SLC5A8: variants seen among roughly 807,000 people sequenced by gnomAD.
SLC5A8 encodes sodium-coupled monocarboxylate transporter 1.
SLC5A8 carries 55 observed loss-of-function variants against 71.9 expected under a neutral mutation model. That is an observed-to-expected ratio of 0.77 (90% CI 0.62 to 0.96). The LOEUF is 0.96. Ranked by LOEUF, SLC5A8 falls within the 40% of genes least tolerant of loss-of-function variation. The pLI is 0.00. For missense variants in SLC5A8, 701 were observed against 745.3 expected, an observed-to-expected ratio of 0.94 and a Z score of 0.69; for synonymous variants, 307 against 276.1, an observed-to-expected ratio of 1.11 and a Z score of -1.11.
rs554580571 is a variant in SLC5A8, at chr12:101,163,118, A to G, written c.1527-1041T>C. The stretch of plus-strand genomic sequence containing the variant: ...CTGAGGCACAGTGAGCAAGACAGTG[A>G]TTACAAGATGAAAGATAGGCAGGGG... On this transcript the variant is annotated intron_variant, in intron 12 of 14. Coordinates refer to ENST00000536262, the MANE Select transcript of SLC5A8 (RefSeq NM_145913.5). Among the ~76,000 whole-genome samples, 17 of 152,296 alleles carry G rather than the reference A, an allele frequency of 1.1e-4. No individual in the cohort carries two copies. The East Asian group carries it at 2.9e-3, about 26-fold the overall frequency.
chr12:101,166,974 A>G (rs2051778980), intron 11 of SLC5A8, among the ~76,000 whole-genome samples: 2 of 151,766 alleles, frequency 1.3e-5, no homozygotes, highest in Non-Finnish European at 2.9e-5. Context: ...CTGGTGAAAA[A>G]CCTGGACATG....
In SLC5A8 at chr12:101,209,442, C is replaced by G. The variant is rs971785332; in HGVS notation, c.351+56G>C. ...CCCCCAAGAAAACGCCTCCAGAGGTCTGCAGAGTCCCCTTCCCCCGCGCCC... is the reference window on the plus strand; with the variant it reads ...CCCCCAAGAAAACGCCTCCAGAGGTGTGCAGAGTCCCCTTCCCCCGCGCCC... On this transcript the variant is annotated intron_variant, in intron 1 of 14. Coordinates refer to ENST00000536262, the MANE Select transcript of SLC5A8 (RefSeq NM_145913.5). 9 of 1,403,536 alleles carry G rather than the reference C, an allele frequency of 6.4e-6. No individual in the cohort carries two copies. The African/African-American group carries it at 1.1e-4, about 18-fold the overall frequency. The allele number at this position is 1,403,536 out of a possible 1,614,324, so 86.9% of individuals were successfully genotyped here. A position where few individuals can be genotyped will look rare whatever the true frequency, so the allele number is the denominator to read the frequency against.
At position 101,157,295 on chromosome 12, in the gene SLC5A8, T is replaced by A. The variant is rs1194915215; in HGVS notation, c.1817A>T (p.Asn606Ile). 1.9e-6 allele frequency: 3 copies of A among 1,613,336 alleles called. No individual in the cohort carries two copies. The highest frequency in any genetic ancestry group is 1.7e-4 in the Middle Eastern group (1 of 6,054). ...AGAGCAGCTTCACAAACGAGTCCCATTGCTCTTGCCACTCTGATCTGAGTT... is the reference window on the plus strand; with the variant it reads ...AGAGCAGCTTCACAAACGAGTCCCAATGCTCTTGCCACTCTGATCTGAGTT... ...ELNSDQSGKSNGTRL is the reference protein window; with the variant it reads ...ELNSDQSGKSIGTRL Residue 606 changes from asparagine to isoleucine, a missense_variant, in exon 15 of 15, where the codon AAT (asparagine) becomes ATT (isoleucine). Transcript: ENST00000536262.
intron 8 of SLC5A8, 25 bp downstream of exon 8, chr12:101,184,109 A>G (rs371681604): frequency 2.7e-4 from 430 of 1,585,584 alleles, no homozygotes; most frequent in Non-Finnish European, 3.4e-4. Flanking sequence ...GGGAAATCAT[A>G]TGTTATTAGA....
chr12:101,189,215 T>C (rs1868794740), intron 6 of SLC5A8, among the ~76,000 whole-genome samples: 1 of 152,172 alleles, frequency 6.6e-6, no homozygotes, highest in South Asian at 2.1e-4. Context: ...TAGTATAGAT[T>C]TAAAAGTACA....
chr12:101,190,953 A>G (rs1335849296), intron 5 of SLC5A8, among the ~76,000 whole-genome samples: 2 of 152,166 alleles, frequency 1.3e-5, no homozygotes, highest in African/African-American at 4.8e-5. Flanking sequence ...AAACATAGAG[A>G]AAGAGAAAGA....
At chr12:101,179,412 T>C (rs2051911355) in intron 10 of SLC5A8, among the ~76,000 whole-genome samples, 1 of 152,212 alleles carries the variant, frequency 6.6e-6, no homozygotes, top group Non-Finnish European at 1.5e-5. Flanking sequence ...CTTCATCAGC[T>C]GAGTAGGTAA....
At chr12:101,202,308 C>T in intron 2 of SLC5A8, 93 bp from the exon 3 acceptor site, 1 of 1,164,954 alleles carries the variant, frequency 8.6e-7, no homozygotes, top group Non-Finnish European at 1.2e-6. Context: ...TTTCCTATAA[C>T]TTCAATTATG....
intron 2 of SLC5A8, among the ~76,000 whole-genome samples, chr12:101,202,781 CTATT>C (rs1164797921): frequency 6.6e-6 from 1 of 152,072 alleles, no homozygotes; most frequent in South Asian, 2.1e-4. Context: ...ATACACTTAA[CTATT>C]TATTGATCTG....
At chr12:101,184,698 A>AGGCC (rs922378814) in intron 7 of SLC5A8, among the ~76,000 whole-genome samples, 3 of 152,196 alleles carry the variant, frequency 2.0e-5, no homozygotes, top group African/African-American at 7.2e-5. Flanking sequence ...TGATGACTCA[A>AGGCC]GGCCATTTTG....
At chr12:101,183,660 A>G (rs1868473693) in intron 8 of SLC5A8, among the ~76,000 whole-genome samples, 1 of 152,202 alleles carries the variant, frequency 6.6e-6, no homozygotes, top group Non-Finnish European at 1.5e-5. Context: ...CATGTTGATA[A>G]TAACAATTCT....
chr12:101,209,432 C>T (rs1566328564), intron 1 of SLC5A8, 66 bp downstream of exon 1: 4 of 1,314,126 alleles, frequency 3.0e-6, no homozygotes, highest in Non-Finnish European at 4.1e-6. Context: ...AAGAAAACGC[C>T]TCCAGAGGTC....
intron 1 of SLC5A8, among the ~76,000 whole-genome samples, chr12:101,208,517 CT>C (rs1869772058): frequency 6.6e-6 from 1 of 152,200 alleles, no homozygotes; most frequent in Non-Finnish European, 1.5e-5. Flanking sequence ...CGCCACTCCC[CT>C]GAGCTTTGAT....
chr12:101,191,049 TCCCAGCA>T (rs1566319231), intron 5 of SLC5A8, among the ~76,000 whole-genome samples: 2 of 152,198 alleles, frequency 1.3e-5, no homozygotes, highest in Non-Finnish European at 2.9e-5. Flanking sequence ...AGAATTCCTC[TCCCAGCA>T]CATGTAATCA....
At chr12:101,191,090 C>T (rs1184031292) in intron 5 of SLC5A8, among the ~76,000 whole-genome samples, 1 of 152,174 alleles carries the variant, frequency 6.6e-6, no homozygotes, top group Non-Finnish European at 1.5e-5. Context: ...TATTCACGTT[C>T]AACAAATCAG....
intron 12 of SLC5A8, among the ~76,000 whole-genome samples, chr12:101,162,505 A>G (rs1174977331): frequency 2.0e-5 from 3 of 152,360 alleles, no homozygotes; most frequent in East Asian, 1.9e-4. Flanking sequence ...GTGCCCATCA[A>G]TGGTGGACTG....
chr12:101,171,198 C>T (rs2051826550), intron 10 of SLC5A8, among the ~76,000 whole-genome samples: 1 of 152,100 alleles, frequency 6.6e-6, no homozygotes, highest in Non-Finnish European at 1.5e-5. Flanking sequence ...TTAAGCTATG[C>T]TTGTAAGGGT....
At chr12:101,194,387 A>G (rs1869067776) in intron 4 of SLC5A8, among the ~76,000 whole-genome samples, 1 of 152,230 alleles carries the variant, frequency 6.6e-6, no homozygotes, top group Admixed American at 6.5e-5. Context: ...TCGGACCAGC[A>G]CACATAATAA....
intron 10 of SLC5A8, among the ~76,000 whole-genome samples, chr12:101,172,481 C>T (rs1053332424): frequency 6.6e-6 from 1 of 152,092 alleles, no homozygotes; most frequent in East Asian, 1.9e-4. Context: ...CACCCTTCAG[C>T]GTATCTGCCA....
Sources: allele counts gnomAD v4.1 joint callset (sites outside exome capture counted in the v4.1 genomes callset), GRCh38; gene constraint gnomAD v4.1.1; transcripts MANE v1.5; gene names NCBI Gene and HGNC (gene_info 2026-07-23, HGNC 2026-07-21).